Variants in CSMD1 observed in about 807,000 individuals in gnomAD.
The protein encoded by CSMD1 is CUB and Sushi multiple domains 1.
CSMD1 carries 213 observed loss-of-function variants against 417.5 expected under a neutral mutation model. The observed-to-expected ratio is 0.51, with a 90% CI of 0.46 to 0.57. CSMD1 has a LOEUF of 0.57. CSMD1 is among the 20% of genes least tolerant of loss of function. The probability of loss-of-function intolerance (pLI) is 0.00; values close to 1 mark genes in which losing one functional copy is unlikely to be tolerated. For missense variants in CSMD1, 6,923 were observed against 4,529.7 expected, an observed-to-expected ratio of 1.53 and a Z score of -15.17; for synonymous variants, 2,862 against 1,736.8, an observed-to-expected ratio of 1.65 and a Z score of -16.11.
chr8:3,846,966 C>A (rs4875789), intron 5 of CSMD1, among the ~76,000 whole-genome samples: 1,831 of 152,120 alleles, frequency 0.012, 34 homozygotes, highest in Non-Finnish European at 0.016. Context: ...TGAGCCACTG[C>A]GCCTGGCCCC....
chr8:4,707,750 C>T (rs1808033603), intron 1 of CSMD1, among the ~76,000 whole-genome samples: 2 of 151,660 alleles, frequency 1.3e-5, no homozygotes, highest in South Asian at 4.2e-4. Flanking sequence ...AGCCGGGCGT[C>T]GTGGCAGGCG....
rs146853304 is a variant in CSMD1, at chr8:3,738,889, T to C, written c.931+15041A>G. Among the ~76,000 whole-genome samples, 757 of 152,286 alleles carry C rather than the reference T, an allele frequency of 5.0e-3. 1 individual carries two copies. Among genetic ancestry groups the C allele is most frequent in the Middle Eastern group, 0.014 (4 of 294 alleles). On this transcript the variant is annotated intron_variant, in intron 6 of 69. Coordinates refer to ENST00000635120, the MANE Select transcript of CSMD1 (RefSeq NM_033225.6). Reference sequence around the variant, plus strand: ...TAGGGCATTCATATTTCATTCATAGTCTCGAAATCTGTAAGGCCTCCATGG... The same window carrying C: ...TAGGGCATTCATATTTCATTCATAGCCTCGAAATCTGTAAGGCCTCCATGG...
intron 5 of CSMD1, among the ~76,000 whole-genome samples, chr8:3,817,163 G>A (rs1326174805): frequency 6.9e-6 from 1 of 145,690 alleles, no homozygotes; most frequent in African/African-American, 2.5e-5. Context: ...CGAGTAGAAA[G>A]AGACGACCCC....
chr8:3,713,085 C>G (rs1801621816), intron 6 of CSMD1, among the ~76,000 whole-genome samples: 1 of 152,044 alleles, frequency 6.6e-6, no homozygotes, highest in Non-Finnish European at 1.5e-5. Flanking sequence ...TATGACGAAT[C>G]TCTTTTCTGA....
intron 6 of CSMD1, among the ~76,000 whole-genome samples, chr8:3,748,677 G>A (rs1055152974): frequency 6.6e-6 from 1 of 152,164 alleles, no homozygotes; most frequent in South Asian, 2.1e-4. Flanking sequence ...TGGAGAATGG[G>A]GAATGCATAC....
chr8:3,868,532 C>T (rs969235229), intron 5 of CSMD1, among the ~76,000 whole-genome samples: 51 of 152,088 alleles, frequency 3.4e-4, no homozygotes, highest in Admixed American at 3.3e-3. Flanking sequence ...TTCCCAAATG[C>T]GTACCTGCAG....
intron 32 of CSMD1, among the ~76,000 whole-genome samples, chr8:3,200,791 T>G (rs564061326): frequency 3.9e-4 from 59 of 152,200 alleles, no homozygotes; most frequent in African/African-American, 1.4e-3. Flanking sequence ...TCTTAAGACT[T>G]TTAGTTAATA....
chr8:4,090,144 G>A (rs990203812), intron 3 of CSMD1, among the ~76,000 whole-genome samples: 16 of 152,120 alleles, frequency 1.1e-4, no homozygotes, highest in Admixed American at 7.9e-4. Flanking sequence ...ATAGAATACA[G>A]TCTTAATTGG....
intron 2 of CSMD1, among the ~76,000 whole-genome samples, chr8:4,527,235 A>T: frequency 6.6e-6 from 1 of 152,204 alleles, no homozygotes; most frequent in Non-Finnish European, 1.5e-5. Context: ...TGCTGTAATT[A>T]CATCAAACAT....
chr8:3,567,365 G>A (rs1006132589), intron 10 of CSMD1, among the ~76,000 whole-genome samples: 1 of 151,308 alleles, frequency 6.6e-6, no homozygotes, highest in Non-Finnish European at 1.5e-5. Context: ...AAACCACCAT[G>A]GCACAAGTTT....
At chr8:4,821,973 C>A (rs1457189) in intron 1 of CSMD1, among the ~76,000 whole-genome samples, 3 of 151,936 alleles carry the variant, frequency 2.0e-5, no homozygotes, top group African/African-American at 7.3e-5. Context: ...GAGAATACTA[C>A]GTAAAATAAA....
At chr8:4,508,926 A>T (rs1218325491) in intron 2 of CSMD1, among the ~76,000 whole-genome samples, 1 of 152,120 alleles carries the variant, frequency 6.6e-6, no homozygotes, top group Non-Finnish European at 1.5e-5. Context: ...CAGGGGCATA[A>T]ATCCCACAGG....
intron 1 of CSMD1, among the ~76,000 whole-genome samples, chr8:4,656,582 T>C (rs1183546540): frequency 6.6e-6 from 1 of 151,550 alleles, no homozygotes; most frequent in African/African-American, 2.4e-5. Context: ...TTGTTGTGAA[T>C]AGAAAATTAG....
intron 3 of CSMD1, among the ~76,000 whole-genome samples, chr8:4,319,739 C>CG (rs1387456194): frequency 7.3e-5 from 11 of 151,160 alleles, no homozygotes; most frequent in South Asian, 4.2e-4. Flanking sequence ...CTGAGACTTG[C>CG]CGGGGGGCCA....
chr8:4,155,844 G>A (rs1056546565), intron 3 of CSMD1, among the ~76,000 whole-genome samples: 2 of 152,094 alleles, frequency 1.3e-5, no homozygotes, highest in South Asian at 2.1e-4. Flanking sequence ...TCTTAAATAA[G>A]GCAAAATGAA....
intron 26 of CSMD1, among the ~76,000 whole-genome samples, chr8:3,263,294 T>C (rs1167179039): frequency 6.6e-6 from 1 of 152,202 alleles, no homozygotes; most frequent in Non-Finnish European, 1.5e-5. Flanking sequence ...AAATGGGGTT[T>C]CACCATGTTG....
At chr8:3,303,677 C>G (rs375011364) in intron 25 of CSMD1, among the ~76,000 whole-genome samples, 8 of 152,134 alleles carry the variant, frequency 5.3e-5, no homozygotes, top group African/African-American at 1.9e-4. Flanking sequence ...AAAACATAGC[C>G]TTTAATGTTG....
At chr8:3,864,801 TC>T (rs1804969796) in intron 5 of CSMD1, among the ~76,000 whole-genome samples, 1 of 152,212 alleles carries the variant, frequency 6.6e-6, no homozygotes, top group South Asian at 2.1e-4. Context: ...CTCTTCAGGG[TC>T]TAAAGAGCTA....
chr8:4,777,732 G>A (rs1028039984), intron 1 of CSMD1, among the ~76,000 whole-genome samples: 2 of 152,322 alleles, frequency 1.3e-5, no homozygotes, highest in East Asian at 3.9e-4. Context: ...TAATGCATGT[G>A]TGTTTCAAAA....
Sources: allele counts gnomAD v4.1 joint callset (sites outside exome capture counted in the v4.1 genomes callset), GRCh38; gene constraint gnomAD v4.1.1; transcripts MANE v1.5; gene names NCBI Gene and HGNC (gene_info 2026-07-23, HGNC 2026-07-21).